The following NAV3 variants were observed in gnomAD, a reference collection of about 807,000 sequenced individuals.
The protein encoded by NAV3 is pore membrane and/or filament interacting like protein 1.
NAV3 carries 87 observed loss-of-function variants against 244.7 expected under a neutral mutation model. The observed-to-expected ratio is 0.36, with a 90% confidence interval of 0.30 to 0.42. The LOEUF (loss-of-function observed/expected upper bound fraction) is 0.42. NAV3 is among the 20% of genes least tolerant of loss of function. The pLI, the probability that NAV3 is intolerant of heterozygous loss-of-function variation, is 1.00. For synonymous variants in NAV3, 1,126 were observed against 1,042.2 expected, an observed-to-expected ratio of 1.08 and a Z score of -1.55; for missense variants, 2,663 against 2,893.3, an observed-to-expected ratio of 0.92 and a Z score of 1.83.
chr12:77,872,635 G>A (rs2136472269), intron 1 of NAV3, among the ~76,000 whole-genome samples: 1 of 152,192 alleles, frequency 6.6e-6, no homozygotes, highest in African/African-American at 2.4e-5. Context: ...TCTAAGAGAG[G>A]CCCAAGTACT....
chr12:77,839,076 A>T (rs1253756211), intron 1 of NAV3, among the ~76,000 whole-genome samples: 2 of 152,174 alleles, frequency 1.3e-5, no homozygotes, highest in African/African-American at 4.8e-5. Flanking sequence ...ACTCTGTATT[A>T]GGCATAGGGA....
chr12:77,645,536 TA>T lies in NAV3; in HGVS notation c.72+73294del, dbSNP rs756805711. 4.9e-3 allele frequency among the ~76,000 whole-genome samples: 311 copies of T among 63,000 alleles called. 3 individuals carry two copies. Among genetic ancestry groups the T allele is most frequent in the Middle Eastern group, 0.01 (1 of 96 alleles). The allele number at this position is 63,000 out of a possible 152,430, so 41.3% of individuals were successfully genotyped here. On this transcript the variant is annotated intron_variant, in intron 2 of 8. Coordinates refer to the NAV3 transcript ENST00000550042. ...GAATTCATGGAGAGCTCTCTCTCTC[TA>T]AAAAAAAAAAAAAAAAAAAAAAACT...
intron 3 of NAV3, among the ~76,000 whole-genome samples, chr12:77,944,523 C>A (rs1890153496): frequency 1.3e-5 from 2 of 151,936 alleles, no homozygotes; most frequent in African/African-American, 4.8e-5. Flanking sequence ...CATATTTTAA[C>A]ATGTGGAACT....
chr12:78,080,836 T>A (rs1241518656), intron 12 of NAV3, among the ~76,000 whole-genome samples: 1 of 152,250 alleles, frequency 6.6e-6, no homozygotes, highest in East Asian at 1.9e-4. Context: ...ATACTGCAGG[T>A]ACAATCAGCA....
intron 2 of NAV3, among the ~76,000 whole-genome samples, chr12:77,772,748 T>C (rs1050158588): frequency 3.3e-5 from 5 of 152,162 alleles, no homozygotes; most frequent in African/African-American, 1.2e-4. Context: ...CTCGAGCAGT[T>C]GGAATCTGTG....
chr12:78,043,162 C>A (rs1305655933), intron 9 of NAV3, among the ~76,000 whole-genome samples: 1 of 152,074 alleles, frequency 6.6e-6, no homozygotes, highest in African/African-American at 2.4e-5. Context: ...TCAACTCCCA[C>A]TTGTGAGTGA....
chr12:77,976,217 C>G (rs1868357727), intron 5 of NAV3, among the ~76,000 whole-genome samples: 1 of 152,030 alleles, frequency 6.6e-6, no homozygotes, highest in Non-Finnish European at 1.5e-5. Context: ...TGAGATATAT[C>G]CAAAATACTG....
chr12:77,817,989 A>G (rs1872585482), intron 2 of NAV3, among the ~76,000 whole-genome samples: 1 of 152,156 alleles, frequency 6.6e-6, no homozygotes, highest in Non-Finnish European at 1.5e-5. Flanking sequence ...AGTACTTTTG[A>G]GATAAAAGAT....
At chr12:77,700,734 T>G (rs966174821) in intron 2 of NAV3, among the ~76,000 whole-genome samples, 1 of 151,972 alleles carries the variant, frequency 6.6e-6, no homozygotes, top group African/African-American at 2.4e-5. Context: ...TTTCTGTTCT[T>G]ATTGAGAGTT....
rs1214933751 is a variant in NAV3, at chr12:77,691,333, G to GTATATATA, written c.72+119068_72+119069insATATATAT. On this transcript the variant is annotated intron_variant, in intron 2 of 8. Transcript: ENST00000550042. ...TAGTCATATATAAGTATTTGTGTAT[G>GTATATATA]TGTGTATATATATATATATATACAT... 6.2e-4 allele frequency among the ~76,000 whole-genome samples: 63 copies of GTATATATA among 100,926 alleles called. 5 individuals carry two copies. Among genetic ancestry groups the GTATATATA allele is most frequent in the African/African-American group, 2.3e-3 (60 of 26,100 alleles). 66.2% of individuals were successfully genotyped at this position (100,926 alleles called of 152,430 possible).
intron 2 of NAV3, among the ~76,000 whole-genome samples, chr12:77,691,268 A>G (rs1874999802): frequency 6.9e-6 from 1 of 145,526 alleles, no homozygotes; most frequent in Non-Finnish European, 1.5e-5. Flanking sequence ...AAATTTTTAT[A>G]ATGAATTAAT....
chr12:78,107,205 C>A (rs1954847219), intron 12 of NAV3, among the ~76,000 whole-genome samples: 1 of 152,018 alleles, frequency 6.6e-6, no homozygotes, highest in Non-Finnish European at 1.5e-5. Context: ...TCTAGTCAGA[C>A]AAAATTAAAA....
At chr12:77,680,882 T>C in intron 2 of NAV3, among the ~76,000 whole-genome samples, 1 of 152,248 alleles carries the variant, frequency 6.6e-6, no homozygotes, top group African/African-American at 2.4e-5. Flanking sequence ...GAGTACTCAA[T>C]AGCATTTTTT....
intron 7 of NAV3, 28 bp from the exon 8 acceptor site, chr12:78,006,391 C>T (rs758839615): frequency 6.3e-7 from 1 of 1,590,086 alleles, no homozygotes; most frequent in South Asian, 1.1e-5. Context: ...ATCGCCTTTT[C>T]TTTATTTTTC....
intron 2 of NAV3, among the ~76,000 whole-genome samples, chr12:77,675,202 T>C (rs1220706440): frequency 3.3e-5 from 5 of 152,228 alleles, no homozygotes; most frequent in African/African-American, 1.2e-4. Context: ...TCTTTGTGAA[T>C]ATTCAGTTGT....
intron 2 of NAV3, among the ~76,000 whole-genome samples, chr12:77,744,723 C>T (rs570044811): frequency 1.3e-5 from 2 of 151,512 alleles, no homozygotes; most frequent in East Asian, 3.9e-4. Context: ...CCGTAATGTT[C>T]TAGATAGGTT....
chr12:77,612,832 G>C (rs565057275), intron 2 of NAV3, among the ~76,000 whole-genome samples: 6 of 152,042 alleles, frequency 3.9e-5, no homozygotes, highest in Non-Finnish European at 8.8e-5. Flanking sequence ...GTTGTGGGAG[G>C]GACTTGGTGG....
intron 35 of NAV3, 89 bp downstream of exon 35, chr12:78,197,490 GT>G (rs1314218724): frequency 1.1e-6 from 1 of 921,056 alleles, no homozygotes. Context: ...TTTAAAATTT[GT>G]TTAATATTTA....
intron 2 of NAV3, among the ~76,000 whole-genome samples, chr12:77,818,050 A>G (rs1283097400): frequency 1.3e-5 from 2 of 152,144 alleles, no homozygotes; most frequent in Non-Finnish European, 2.9e-5. Flanking sequence ...AAATATATGT[A>G]TAAACTAGCT....
Sources: allele counts gnomAD v4.1 joint callset (sites outside exome capture counted in the v4.1 genomes callset), GRCh38; gene constraint gnomAD v4.1.1; transcripts MANE v1.5; gene names NCBI Gene and HGNC (gene_info 2026-07-23, HGNC 2026-07-21).